Variants in CCDC91 observed in about 807,000 individuals in gnomAD.
CCDC91 encodes coiled-coil domain-containing protein 91.
In CCDC91, 48 loss-of-function variants were observed where a neutral mutation model predicts 63.2. That is an observed-to-expected ratio of 0.76 (90% CI 0.60 to 0.97). The LOEUF (loss-of-function observed/expected upper bound fraction) is 0.97. Among genes scored for constraint, CCDC91 ranks in the 50% least tolerant of loss-of-function variants. The probability of loss-of-function intolerance (pLI) is 0.00; values close to 1 mark genes in which losing one functional copy is unlikely to be tolerated. For synonymous variants in CCDC91, 167 were observed against 165.8 expected (o/e 1.01, Z -0.06); for missense variants, 500 against 494.6 (o/e 1.01, Z -0.10).
At chr12:28,271,860 A>G (rs1487051456) in intron 3 of CCDC91, among the ~76,000 whole-genome samples, 3 of 149,780 alleles carry the variant, frequency 2.0e-5, no homozygotes, top group Non-Finnish European at 4.4e-5. Flanking sequence ...AGTATTGTAT[A>G]TGCATATGAA....
intron 2 of CCDC91, among the ~76,000 whole-genome samples, chr12:28,257,600 G>A (rs1946536562): frequency 6.6e-6 from 1 of 152,086 alleles, no homozygotes; most frequent in Non-Finnish European, 1.5e-5. Context: ...GAGTACTAAA[G>A]ATCCTGTCAC....
chr12:28,317,664 T>C (rs1462572821), intron 6 of CCDC91, among the ~76,000 whole-genome samples: 2 of 151,986 alleles, frequency 1.3e-5, no homozygotes, highest in Non-Finnish European at 2.9e-5. Context: ...TTGACAAGCT[T>C]CATTTTTTAT....
At chr12:28,225,132 T>G (rs1167841089) in intron 1 of CCDC91, among the ~76,000 whole-genome samples, 1 of 152,180 alleles carries the variant, frequency 6.6e-6, no homozygotes, top group African/African-American at 2.4e-5. Flanking sequence ...AATAAGAGTT[T>G]AAAGTGTAAG....
At chr12:28,413,414 G>T (rs1947443963) in intron 8 of CCDC91, among the ~76,000 whole-genome samples, 1 of 152,000 alleles carries the variant, frequency 6.6e-6, no homozygotes, top group East Asian at 1.9e-4. Context: ...CTAAATTATA[G>T]TCTTTATTAA....
intron 6 of CCDC91, among the ~76,000 whole-genome samples, chr12:28,310,026 G>T (rs1356229833): frequency 4.6e-5 from 7 of 151,882 alleles, no homozygotes; most frequent in Non-Finnish European, 1.0e-4. Flanking sequence ...TTGGCATATA[G>T]TGCATGTTCA....
chr12:28,276,756 A>G (rs1948257583), intron 3 of CCDC91, among the ~76,000 whole-genome samples: 1 of 151,898 alleles, frequency 6.6e-6, no homozygotes, highest in African/African-American at 2.4e-5. Context: ...AAAACTGTTT[A>G]TTGTTTTGCC....
intron 12 of CCDC91, among the ~76,000 whole-genome samples, chr12:28,517,258 A>G (rs1237515682): frequency 6.6e-6 from 1 of 151,928 alleles, no homozygotes; most frequent in Non-Finnish European, 1.5e-5. Flanking sequence ...GGCCTTAGTT[A>G]TAGGCTGAAG....
intron 12 of CCDC91, among the ~76,000 whole-genome samples, chr12:28,538,979 T>C (rs1420630967): frequency 4.6e-5 from 7 of 152,190 alleles, no homozygotes; most frequent in Admixed American, 1.3e-4. Flanking sequence ...GTAAATTTGT[T>C]TGAGTTCTTT....
chr12:28,545,088 A>T (rs1000923109), intron 12 of CCDC91, among the ~76,000 whole-genome samples: 3 of 152,064 alleles, frequency 2.0e-5, no homozygotes, highest in African/African-American at 7.2e-5. Flanking sequence ...AAAATGGAAG[A>T]GAAAACAAAT....
At chr12:28,376,685 C>G (rs1944968157) in intron 7 of CCDC91, among the ~76,000 whole-genome samples, 3 of 151,708 alleles carry the variant, frequency 2.0e-5, no homozygotes, top group Non-Finnish European at 4.4e-5. Flanking sequence ...GAGAAAGTAT[C>G]TTTTTGCATA....
chr12:28,219,429 T>A (rs1943781291), intron 1 of CCDC91, among the ~76,000 whole-genome samples: 1 of 151,882 alleles, frequency 6.6e-6, no homozygotes. Context: ...AATTTTAAAA[T>A]TTGGCAAAAT....
Position 28,406,738 on chromosome 12 carries a change from TA to T in CCDC91, c.762+15328del, listed in dbSNP as rs1946974045. Among the ~76,000 whole-genome samples the T allele has an allele frequency of 2.0e-5, 3 of 146,574 alleles. No homozygotes were observed. The South Asian group carries it at 6.4e-4, about 31-fold the overall frequency. On this transcript the variant is annotated intron_variant, in intron 8 of 12. Transcript: ENST00000536442. ...TTTTTCCTATGTTCTATTAAAGTTTTATAGTTTTAATTCATAGTTTATGAAT... is the reference window on the plus strand; with the variant it reads ...TTTTTCCTATGTTCTATTAAAGTTTTTAGTTTTAATTCATAGTTTATGAAT...
chr12:28,352,554 G>A (rs1943252857), intron 6 of CCDC91, among the ~76,000 whole-genome samples: 1 of 152,136 alleles, frequency 6.6e-6, no homozygotes, highest in African/African-American at 2.4e-5. Context: ...TTCTTTGTTT[G>A]TTCCTAAGAA....
chr12:28,295,000 A>G (rs1428922752), intron 3 of CCDC91, among the ~76,000 whole-genome samples: 2 of 152,230 alleles, frequency 1.3e-5, no homozygotes, highest in Non-Finnish European at 2.9e-5. Context: ...TTCATTGTCT[A>G]CATTCAGCAC....
At chr12:28,525,631 T>C (rs1483393804) in intron 12 of CCDC91, among the ~76,000 whole-genome samples, 1 of 152,100 alleles carries the variant, frequency 6.6e-6, no homozygotes, top group African/African-American at 2.4e-5. Flanking sequence ...TTCCAGGGTA[T>C]AGTTTAAATG....
chr12:28,222,692 C>T (rs951545306), intron 1 of CCDC91, among the ~76,000 whole-genome samples: 6 of 152,082 alleles, frequency 3.9e-5, no homozygotes, highest in South Asian at 2.1e-4. Flanking sequence ...TTTCCCTTTT[C>T]GTTTTCTGAA....
At chr12:28,518,372 C>T (rs1940191670) in intron 12 of CCDC91, among the ~76,000 whole-genome samples, 1 of 151,770 alleles carries the variant, frequency 6.6e-6, no homozygotes, top group Admixed American at 6.6e-5. Context: ...TTGCATTTCC[C>T]TGATCATTAG....
intron 6 of CCDC91, among the ~76,000 whole-genome samples, chr12:28,331,303 A>G (rs758100086): frequency 5.4e-4 from 82 of 152,176 alleles, no homozygotes; most frequent in Non-Finnish European, 9.3e-4. Context: ...AATCTCCTGG[A>G]TGAATATTGT....
At chr12:28,331,799 A>T (rs982013140) in intron 6 of CCDC91, among the ~76,000 whole-genome samples, 2 of 152,162 alleles carry the variant, frequency 1.3e-5, no homozygotes, top group African/African-American at 4.8e-5. Flanking sequence ...AACCAAACAG[A>T]TTCTTACCAG....
Sources: gnomAD v4.1 joint callset for allele counts (sites outside exome capture counted in the v4.1 genomes callset) on GRCh38, gnomAD v4.1.1 for gene constraint, MANE v1.5 for transcripts, NCBI Gene and HGNC (gene_info 2026-07-23, HGNC 2026-07-21) for gene names.